ADGRG6: variants seen among roughly 807,000 people sequenced by gnomAD.
The protein encoded by ADGRG6 is adhesion G protein-coupled receptor G6, also known as G-protein coupled receptor 126.
ADGRG6 carries 84 observed loss-of-function variants against 142.4 expected under a neutral mutation model. The ratio of observed to expected loss-of-function variants is 0.59; its 90% CI spans 0.49 to 0.71. ADGRG6 has a LOEUF of 0.71. Ranked by LOEUF, ADGRG6 falls within the 30% of genes least tolerant of loss-of-function variation. The probability of loss-of-function intolerance (pLI) is 0.00; values close to 1 mark genes in which losing one functional copy is unlikely to be tolerated. For missense variants in ADGRG6, 1,367 were observed against 1,466.6 expected (o/e 0.93, Z 1.11); for synonymous variants, 521 against 520.5 (o/e 1.00, Z -0.01).
chr6:142,383,408 A>G (rs190066890), intron 5 of ADGRG6, among the ~76,000 whole-genome samples: 15 of 152,234 alleles, frequency 9.9e-5, no homozygotes, highest in Admixed American at 5.2e-4. Context: ...TTTTCTTTTG[A>G]CAGACTCAGG....
intron 21 of ADGRG6, among the ~76,000 whole-genome samples, chr6:142,417,993 G>A (rs554369862): frequency 1.3e-5 from 2 of 152,040 alleles, no homozygotes; most frequent in Non-Finnish European, 2.9e-5. Flanking sequence ...CATATCTCAT[G>A]GATGGATAAC....
chr6:142,415,419 A>T (rs1776302377), intron 19 of ADGRG6, among the ~76,000 whole-genome samples: 2 of 152,178 alleles, frequency 1.3e-5, no homozygotes, highest in South Asian at 4.2e-4. Context: ...TCCTGAAACA[A>T]TTTTTTTAAG....
intron 14 of ADGRG6, chr6:142,404,222 G>A (rs1377890545): frequency 4.4e-6 from 2 of 455,056 alleles, no homozygotes; most frequent in Non-Finnish European, 7.8e-6. Flanking sequence ...AGCTAAGCAT[G>A]AGTAGGGGCC....
chr6:142,358,139 TG>T (rs1689045003), intron 2 of ADGRG6, among the ~76,000 whole-genome samples: 1 of 152,192 alleles, frequency 6.6e-6, no homozygotes, highest in Admixed American at 6.5e-5. Flanking sequence ...TCTCTACTTA[TG>T]TTGGTAGTGT....
At chr6:142,353,841 A>G (rs1261164115) in intron 2 of ADGRG6, among the ~76,000 whole-genome samples, 2 of 152,214 alleles carry the variant, frequency 1.3e-5, no homozygotes. Flanking sequence ...GTAGAACTGG[A>G]TAGGATATAG....
At chr6:142,388,273 T>C (rs990212132) in intron 6 of ADGRG6, among the ~76,000 whole-genome samples, 2 of 152,156 alleles carry the variant, frequency 1.3e-5, no homozygotes, top group Non-Finnish European at 2.9e-5. Context: ...CAGGAAACAA[T>C]GTTTAAAGAA....
At chr6:142,420,661 G>A (rs1475247513) in intron 22 of ADGRG6, among the ~76,000 whole-genome samples, 1 of 146,788 alleles carries the variant, frequency 6.8e-6, no homozygotes, top group Non-Finnish European at 1.5e-5. Flanking sequence ...ACATTTCACA[G>A]TTAGTTCAAC....
chr6:142,407,063 A>T (rs1583106001), intron 15 of ADGRG6, among the ~76,000 whole-genome samples: 1 of 151,444 alleles, frequency 6.6e-6, no homozygotes, highest in Non-Finnish European at 1.5e-5. Context: ...GGCCAGGCGC[A>T]GTGCCTCGTG....
intron 22 of ADGRG6, among the ~76,000 whole-genome samples, chr6:142,435,888 C>T (rs1777463287): frequency 6.6e-6 from 1 of 152,062 alleles, no homozygotes; most frequent in Non-Finnish European, 1.5e-5. Flanking sequence ...GGTCTGAGAC[C>T]AGAATGACAG....
In ADGRG6 at chr6:142,390,358, A is replaced by G. The variant is rs1774823907; in HGVS notation, c.1308+15A>G. The G allele has an allele frequency of 2.0e-6, 3 of 1,502,278 alleles. No homozygotes were observed. Among genetic ancestry groups the G allele is most frequent in the East Asian group, 2.3e-5 (1 of 43,790 alleles). 93.1% of individuals were successfully genotyped at this position (1,502,278 alleles called of 1,614,324 possible). On this transcript the variant is annotated intron_variant, in intron 7 of 24. Coordinates refer to ENST00000367609, the MANE Select transcript of ADGRG6 (RefSeq NM_198569.3). ...TGGCAGAATGGGTAAGTGAGCTTGT[A>G]ACTTTTCTTTTTTAAAAAAATTCTT...
intron 1 of ADGRG6, among the ~76,000 whole-genome samples, chr6:142,306,468 AG>A (rs1008701396): frequency 6.6e-5 from 10 of 152,198 alleles, no homozygotes; most frequent in Non-Finnish European, 2.9e-5. Flanking sequence ...AGTGACAAAA[AG>A]GATCTTTTGG....
At chr6:142,307,048 G>C (rs1180254420) in intron 1 of ADGRG6, among the ~76,000 whole-genome samples, 1 of 152,096 alleles carries the variant, frequency 6.6e-6, no homozygotes, top group Admixed American at 6.6e-5. Context: ...GACAGCTTCA[G>C]AATTGAATAT....
intron 2 of ADGRG6, among the ~76,000 whole-genome samples, chr6:142,318,227 TTA>T (rs1278929525): frequency 4.0e-4 from 18 of 44,474 alleles, no homozygotes; most frequent in African/African-American, 1.5e-3. Context: ...TTATATATAT[TTA>T]TATTATATAT....
intron 4 of ADGRG6, among the ~76,000 whole-genome samples, chr6:142,373,881 C>CTTTTTTTTTTTTTTTTTTTT (rs769498618): frequency 4.8e-4 from 45 of 93,748 alleles, no homozygotes; most frequent in Middle Eastern, 6.2e-3. Flanking sequence ...TTTTTCTTTT[C>CTTTTTTTTTTTTTTTTTTTT]TTTTTTTTTT....
intron 10 of ADGRG6, among the ~76,000 whole-genome samples, chr6:142,398,013 A>G (rs1775292055): frequency 6.6e-6 from 1 of 152,232 alleles, no homozygotes; most frequent in Non-Finnish European, 1.5e-5. Context: ...AACAATATGA[A>G]CAAAATGCCA....
chr6:142,380,806 G>A (rs1018282967), intron 4 of ADGRG6, among the ~76,000 whole-genome samples: 2 of 152,146 alleles, frequency 1.3e-5, no homozygotes, highest in African/African-American at 4.8e-5. Context: ...GAACTGTGAC[G>A]CCATCTCCCT....
At chr6:142,439,258 C>G (rs981481045) in intron 24 of ADGRG6, among the ~76,000 whole-genome samples, 3 of 152,082 alleles carry the variant, frequency 2.0e-5, no homozygotes, top group African/African-American at 7.2e-5. Context: ...AAATTAAACC[C>G]CTGGCAGACA....
chr6:142,417,348 G>A lies in ADGRG6; in HGVS notation c.3014G>A (p.Gly1005Glu). 1 of 1,576,114 alleles carries A rather than the reference G, an allele frequency of 6.3e-7. No homozygotes were observed. Among genetic ancestry groups the A allele is most frequent in the Admixed American group, 1.7e-5 (1 of 59,412 alleles). ...NNEVYGKESY[G>E]KEKGDEFCWI... ...GAAGTCTATGGAAAAGAAAGTTATG[G>A]GAAAGAAAAAGGTGATGAATTGTAA... is the stretch of plus-strand genomic sequence containing the variant. Residue 1005 changes from glycine to glutamate, a missense_variant, in exon 21 of 25, where the codon GGG becomes GAG. Physicochemically the swap from Gly to Glu is moderately conservative, Grantham distance 98. Transcript: ENST00000367609.
intron 22 of ADGRG6, among the ~76,000 whole-genome samples, chr6:142,427,412 A>G (rs1776997997): frequency 1.3e-5 from 2 of 152,184 alleles, no homozygotes; most frequent in East Asian, 3.9e-4. Flanking sequence ...CCTCATCTCC[A>G]TGAGACCACC....
Sources: gnomAD v4.1 joint callset for allele counts (sites outside exome capture counted in the v4.1 genomes callset) on GRCh38, gnomAD v4.1.1 for gene constraint, MANE v1.5 for transcripts, NCBI Gene and HGNC (gene_info 2026-07-23, HGNC 2026-07-21) for gene names.